PHLDB2: variants seen among roughly 807,000 people sequenced by gnomAD.
PHLDB2 encodes pleckstrin homology-like domain family B member 2.
In PHLDB2, 71 loss-of-function variants were observed where a neutral mutation model predicts 123.6. That is an observed-to-expected ratio of 0.57 (90% CI 0.47 to 0.70). PHLDB2 has a LOEUF of 0.70. Ranked by LOEUF, PHLDB2 falls within the 30% of genes least tolerant of loss-of-function variation. PHLDB2 has a pLI of 0.00. For missense variants in PHLDB2, 1,446 were observed against 1,519.5 expected, an observed-to-expected ratio of 0.95 and a Z score of 0.80; for synonymous variants, 547 against 541.6, an observed-to-expected ratio of 1.01 and a Z score of -0.14.
chr3:111,857,450 CAAA>C, upstream of PHLDB2, among the ~76,000 whole-genome samples: 1 of 113,480 alleles, frequency 8.8e-6, no homozygotes, highest in Non-Finnish European at 1.8e-5. Context: ...GGCCCTGTCT[CAAA>C]AAAAAAAAAA....
At chr3:111,822,335 TG>T (rs1448892614) in intron 1 of PHLDB2, among the ~76,000 whole-genome samples, 1 of 129,230 alleles carries the variant, frequency 7.7e-6, no homozygotes, top group Non-Finnish European at 1.6e-5. Flanking sequence ...ATATATATAA[TG>T]GTACACTGAA....
intron 9 of PHLDB2, among the ~76,000 whole-genome samples, chr3:111,948,484 G>T (rs550471927): frequency 6.6e-6 from 1 of 152,218 alleles, no homozygotes; most frequent in African/African-American, 2.4e-5. Context: ...AAACAGAAAC[G>T]GTGAAAATCT....
At chr3:111,866,930 GGTGTGTGTGTGTGTGT>G (rs3082321) in intron 1 of PHLDB2, among the ~76,000 whole-genome samples, 7 of 126,004 alleles carry the variant, frequency 5.6e-5, no homozygotes, top group African/African-American at 1.4e-4. Context: ...GTTTCTAAGG[GGTGTGTGTGTGTGTGT>G]GTGTGTGTGT....
At position 111,900,936 on chromosome 3, in the gene PHLDB2, A is replaced by G. The variant is rs2067158707; in HGVS notation, c.1336-12383A>G. ...TTTTTTATAGAAATGGGGTCTCTCT[A>G]TGTTGATGAGGCTGGCTTCAAGCGA... On this transcript the variant is annotated intron_variant, in intron 2 of 17. Coordinates refer to ENST00000431670, the MANE Select transcript of PHLDB2 (RefSeq NM_001134438.2). Among the ~76,000 whole-genome samples the G allele has an allele frequency of 5.9e-5, 9 of 151,782 alleles. No individual in the cohort carries two copies. The South Asian group carries it at 1.7e-3, about 28-fold the overall frequency.
chr3:111,838,897 T>C (rs2063540083), intron 1 of PHLDB2, among the ~76,000 whole-genome samples: 1 of 152,174 alleles, frequency 6.6e-6, no homozygotes, highest in Admixed American at 6.5e-5. Flanking sequence ...AAGACAATTT[T>C]TTTCTTGTGA....
intron 3 of PHLDB2, chr3:111,915,055 A>T (rs909353673): frequency 3.9e-5 from 6 of 152,200 alleles, no homozygotes; most frequent in Admixed American, 3.3e-4. Context: ...AAAAATAGTA[A>T]ATAGGAGGAA....
chr3:111,928,641 AAT>A (rs770647498), intron 5 of PHLDB2, among the ~76,000 whole-genome samples: 62 of 152,302 alleles, frequency 4.1e-4, no homozygotes, highest in Non-Finnish European at 8.2e-4. Flanking sequence ...TATGGAAGCA[AAT>A]ATAGGCCCAA....
chr3:111,788,111 CAGG>C (rs1359592245), intron 1 of PHLDB2, among the ~76,000 whole-genome samples: 2 of 152,076 alleles, frequency 1.3e-5, no homozygotes, highest in East Asian at 1.9e-4. Context: ...TACTAGTTTC[CAGG>C]AGGAGAATTG....
chr3:111,793,280 C>T (rs2108210869), intron 1 of PHLDB2, among the ~76,000 whole-genome samples: 1 of 152,248 alleles, frequency 6.6e-6, no homozygotes, highest in Non-Finnish European at 1.5e-5. Context: ...CCTCCCCTTT[C>T]CTCAAGCAGG....
intron 1 of PHLDB2, among the ~76,000 whole-genome samples, chr3:111,751,938 T>C (rs2107968480): frequency 6.6e-6 from 1 of 152,306 alleles, no homozygotes; most frequent in Non-Finnish European, 1.5e-5. Context: ...AGAGAATCTA[T>C]TCAGATGCTT....
At chr3:111,903,372 C>G (rs569332437) in intron 2 of PHLDB2, among the ~76,000 whole-genome samples, 4 of 152,142 alleles carry the variant, frequency 2.6e-5, no homozygotes, top group Admixed American at 1.3e-4. Context: ...CGTGGGAGGA[C>G]CAAATGACAA....
intron 13 of PHLDB2, among the ~76,000 whole-genome samples, chr3:111,962,920 A>G (rs1362457347): frequency 7.0e-6 from 1 of 142,578 alleles, no homozygotes; most frequent in East Asian, 2.0e-4. Flanking sequence ...CAAGAGTGAA[A>G]CTCCATCTCA....
At chr3:111,844,619 T>C (rs937555) in intron 1 of PHLDB2, among the ~76,000 whole-genome samples, 149,551 of 152,318 alleles carry the variant, frequency 0.98, 73,480 homozygotes, top group East Asian at 1. Context: ...TCTAACTTAT[T>C]TTTCTACCTC....
intron 1 of PHLDB2, among the ~76,000 whole-genome samples, chr3:111,742,467 C>A (rs775710317): frequency 3.3e-5 from 5 of 152,116 alleles, no homozygotes; most frequent in Admixed American, 2.0e-4. Context: ...CTCCTCCCCC[C>A]ACCCCACAAC....
At chr3:111,955,920 G>T (rs1421909536) in intron 12 of PHLDB2, among the ~76,000 whole-genome samples, 1 of 152,170 alleles carries the variant, frequency 6.6e-6, no homozygotes, top group African/African-American at 2.4e-5. Context: ...GCATTTTCTT[G>T]CCAGGTGTGG....
At chr3:111,933,287 C>A (rs2069249869) in intron 6 of PHLDB2, among the ~76,000 whole-genome samples, 1 of 152,166 alleles carries the variant, frequency 6.6e-6, no homozygotes, top group Admixed American at 6.5e-5. Context: ...ATGATTCTAC[C>A]TGAGTATAAC....
At chr3:111,836,077 T>C (rs2063382035) in intron 1 of PHLDB2, among the ~76,000 whole-genome samples, 2 of 152,190 alleles carry the variant, frequency 1.3e-5, no homozygotes, top group Non-Finnish European at 2.9e-5. Flanking sequence ...CCTACAGACA[T>C]GCCAATGTCC....
At chr3:111,754,396 T>C (rs1450387893) in intron 1 of PHLDB2, among the ~76,000 whole-genome samples, 2 of 135,800 alleles carry the variant, frequency 1.5e-5, no homozygotes, top group African/African-American at 5.8e-5. Flanking sequence ...CTAGGTATTT[T>C]ATTCTCTTTG....
At chr3:111,819,004 G>C (rs992204893) in intron 1 of PHLDB2, among the ~76,000 whole-genome samples, 2 of 152,154 alleles carry the variant, frequency 1.3e-5, no homozygotes, top group Non-Finnish European at 2.9e-5. Flanking sequence ...CAGTTTTGGA[G>C]CCTAGAAATC....
Sources: allele counts gnomAD v4.1 joint callset (sites outside exome capture counted in the v4.1 genomes callset), GRCh38; gene constraint gnomAD v4.1.1; transcripts MANE v1.5; gene names NCBI Gene and HGNC (gene_info 2026-07-23, HGNC 2026-07-21).